Variants in ZSWIM5 observed in about 807,000 individuals in gnomAD.
ZSWIM5 encodes the protein zinc finger SWIM domain-containing protein 5.
Under a neutral mutation model 119.6 loss-of-function variants are expected in ZSWIM5, and 55 were observed. The ratio of observed to expected loss-of-function variants is 0.46; its 90% CI spans 0.37 to 0.58. The LOEUF is 0.58. Ranked by LOEUF, ZSWIM5 falls within the 20% of genes least tolerant of loss-of-function variation. ZSWIM5 has a pLI of 0.00. For missense variants in ZSWIM5, 1,193 were observed against 1,512.8 expected (o/e 0.79, Z 3.51); for synonymous variants, 537 against 606.9 (o/e 0.88, Z 1.69).
chr1:45,119,794 C>G (rs77583194), intron 1 of ZSWIM5, among the ~76,000 whole-genome samples: 3,140 of 152,274 alleles, frequency 0.021, 115 homozygotes, highest in African/African-American at 0.072. Context: ...TAATGACTTA[C>G]AATCCCAAAA....
At chr1:45,184,637 C>T (rs910251311) in intron 1 of ZSWIM5, among the ~76,000 whole-genome samples, 1 of 151,974 alleles carries the variant, frequency 6.6e-6, no homozygotes, top group Non-Finnish European at 1.5e-5. Flanking sequence ...CATGAGTGAA[C>T]TCCCATTCAC....
intron 4 of ZSWIM5, among the ~76,000 whole-genome samples, chr1:45,054,116 C>T (rs934039228): frequency 1.3e-5 from 2 of 151,888 alleles, no homozygotes; most frequent in East Asian, 3.9e-4. Context: ...CCTACCTCTA[C>T]AAAAAATTAG....
chr1:45,124,269 C>T (rs365108), intron 1 of ZSWIM5, among the ~76,000 whole-genome samples: 24,458 of 151,964 alleles, frequency 0.16, 2,039 homozygotes, highest in African/African-American at 0.19. Context: ...AATTATAACA[C>T]TGTCTGATCT....
chr1:45,133,897 G>A (rs575568692), intron 1 of ZSWIM5, among the ~76,000 whole-genome samples: 32 of 152,026 alleles, frequency 2.1e-4, no homozygotes, highest in African/African-American at 7.5e-4. Context: ...TTTTTGTCAG[G>A]TTTGTCAAAG....
At chr1:45,100,405 C>T (rs974615041) in intron 1 of ZSWIM5, among the ~76,000 whole-genome samples, 2 of 152,112 alleles carry the variant, frequency 1.3e-5, no homozygotes, top group Non-Finnish European at 2.9e-5. Context: ...AAAGAGGACA[C>T]AAACAAATGG....
intron 2 of ZSWIM5, among the ~76,000 whole-genome samples, chr1:45,066,084 T>C (rs1645181664): frequency 7.2e-6 from 1 of 139,704 alleles, no homozygotes; most frequent in African/African-American, 2.7e-5. Flanking sequence ...CATTGTTCAA[T>C]ACCCACCTAT....
At chr1:45,152,752 G>A (rs181710567) in intron 1 of ZSWIM5, among the ~76,000 whole-genome samples, 6 of 152,176 alleles carry the variant, frequency 3.9e-5, no homozygotes, top group Non-Finnish European at 7.4e-5. Flanking sequence ...AAATTGGCAA[G>A]TGAGACCTAA....
chr1:45,044,140 A>G (rs1645032692), intron 5 of ZSWIM5, among the ~76,000 whole-genome samples: 1 of 151,718 alleles, frequency 6.6e-6, no homozygotes, highest in Non-Finnish European at 1.5e-5. Flanking sequence ...CAGTGAGCCA[A>G]GATTACACCA....
intron 1 of ZSWIM5, among the ~76,000 whole-genome samples, chr1:45,158,463 C>T (rs1009108555): frequency 6.6e-6 from 1 of 152,202 alleles, no homozygotes; most frequent in African/African-American, 2.4e-5. Flanking sequence ...GCCATCGTGC[C>T]TGGTCTGAAC....
rs867300991 is a variant in ZSWIM5 at position 45,036,234 on chromosome 1, T to A, written c.1960A>T (p.Ser654Cys). The change falls in exon 9 of 14, where the codon AGT becomes TGT. Residue 654 changes from serine (S) to cysteine (C), a missense_variant. Around this residue, in one of 2 missense-constraint regions of ZSWIM5, gnomAD observed 961 missense variants for 1,290.0 expected, o/e 0.74. Transcript: ENST00000359600. ...VPVAAGSPNS[S>C]ESYLSLALEV... ...AGGGCCAATGACAGGTAGGACTCAC[T>A]GCTGTTTGGGGAGCCTGCAGCCACA... The A allele has an allele frequency of 1.9e-6, 3 of 1,614,020 alleles. No individual in the cohort carries two copies. The highest frequency in any genetic ancestry group is 1.3e-5 in the African/African-American group (1 of 74,922).
intron 1 of ZSWIM5, among the ~76,000 whole-genome samples, chr1:45,176,900 C>G (rs1645984609): frequency 6.6e-6 from 1 of 152,082 alleles, no homozygotes; most frequent in Non-Finnish European, 1.5e-5. Context: ...CTCCTCACCC[C>G]ACTTTGGCTC....
chr1:45,067,134 G>A (rs1321539578), intron 2 of ZSWIM5, among the ~76,000 whole-genome samples: 1 of 152,002 alleles, frequency 6.6e-6, no homozygotes, highest in African/African-American at 2.4e-5. Context: ...AAAAGATATG[G>A]GCTGAAGAAA....
rs141185886 is a variant in ZSWIM5, at chr1:45,097,018, G to C, written c.596-8781C>G. Among the ~76,000 whole-genome samples, 332 of 152,288 alleles carry C rather than the reference G, an allele frequency of 2.2e-3. 1 individual carries two copies. Among genetic ancestry groups the C allele is most frequent in the African/African-American group, 7.5e-3 (312 of 41,552 alleles). On this transcript the variant is annotated intron_variant, in intron 1 of 13. Transcript: ENST00000359600. Reference sequence around the variant, plus strand: ...GGCCTCACAGGCTCCTAACAACCAAGTACTTTGCAGGTGGTCCTTGCAAGA... The same window carrying C: ...GGCCTCACAGGCTCCTAACAACCAACTACTTTGCAGGTGGTCCTTGCAAGA...
chr1:45,048,902 C>T (rs1313648641), intron 5 of ZSWIM5, among the ~76,000 whole-genome samples: 1 of 152,192 alleles, frequency 6.6e-6, no homozygotes, highest in East Asian at 1.9e-4. Context: ...AGGAGGATTG[C>T]TTCAGCTCAG....
chr1:45,190,927 ATTTTTTTTTTTTTTTTTTTTTTTT>A (rs746764436), intron 1 of ZSWIM5, among the ~76,000 whole-genome samples: 1 of 48,966 alleles, frequency 2.0e-5, no homozygotes, highest in African/African-American at 9.4e-5. Context: ...AATAGCTGGA[ATTTTTTTTTTTTTTTTTTTTTTTT>A]TTTTTTTTTT....
chr1:45,142,481 A>G (rs1645733136), intron 1 of ZSWIM5, among the ~76,000 whole-genome samples: 1 of 152,056 alleles, frequency 6.6e-6, no homozygotes, highest in Admixed American at 6.5e-5. Context: ...TCTCCCTAGT[A>G]GCTTGGACCA....
intron 1 of ZSWIM5, among the ~76,000 whole-genome samples, chr1:45,131,295 T>C (rs1645654972): frequency 1.3e-5 from 2 of 152,208 alleles, no homozygotes; most frequent in Non-Finnish European, 2.9e-5. Context: ...GGATTGCATA[T>C]AAATTTATAA....
intron 1 of ZSWIM5, among the ~76,000 whole-genome samples, chr1:45,101,332 C>T (rs1645438639): frequency 6.6e-6 from 1 of 152,106 alleles, no homozygotes; most frequent in Non-Finnish European, 1.5e-5. Flanking sequence ...CAAATCAAAA[C>T]CACAATGAGA....
chr1:45,179,666 G>A (rs1646003793), intron 1 of ZSWIM5, among the ~76,000 whole-genome samples: 1 of 152,138 alleles, frequency 6.6e-6, no homozygotes, highest in Non-Finnish European at 1.5e-5. Context: ...AATAAATGGG[G>A]AGACATCCCA....
Sources: allele counts gnomAD v4.1 joint callset (sites outside exome capture counted in the v4.1 genomes callset), GRCh38; gene constraint gnomAD v4.1.1; regional missense constraint gnomAD v4.1.1; transcripts MANE v1.5; gene names NCBI Gene and HGNC (gene_info 2026-07-23, HGNC 2026-07-21).